The following ATP13A3 variants were observed in gnomAD, a reference collection of about 807,000 sequenced individuals.
The protein encoded by ATP13A3 is ATPase 13A3.
Under a neutral mutation model 158.1 loss-of-function variants are expected in ATP13A3, and 59 were observed. That is an observed-to-expected ratio of 0.37 (90% confidence interval 0.30 to 0.46). ATP13A3 has a LOEUF of 0.46. Ranked by LOEUF, ATP13A3 falls within the 20% of genes least tolerant of loss-of-function variation. The pLI is 1.00. For synonymous variants in ATP13A3, 491 were observed against 504.3 expected, an observed-to-expected ratio of 0.97 and a Z score of 0.35; for missense variants, 1,166 against 1,525.2, an observed-to-expected ratio of 0.76 and a Z score of 3.92.
intron 3 of ATP13A3, among the ~76,000 whole-genome samples, chr3:194,461,357 T>C (rs1190482469): frequency 1.3e-5 from 2 of 152,230 alleles, no homozygotes; most frequent in Non-Finnish European, 2.9e-5. Context: ...TGTATTACTA[T>C]TAACTAAACT....
At chr3:194,461,147 T>A (rs923988089) in intron 3 of ATP13A3, among the ~76,000 whole-genome samples, 1 of 152,232 alleles carries the variant, frequency 6.6e-6, no homozygotes, top group Non-Finnish European at 1.5e-5. Context: ...CATTGTTACA[T>A]ATCTTTTTAA....
intron 2 of ATP13A3, among the ~76,000 whole-genome samples, chr3:194,467,084 TACAG>T (rs1720037782): frequency 6.6e-6 from 1 of 152,228 alleles, no homozygotes; most frequent in Admixed American, 6.5e-5. Context: ...CCCACAAACC[TACAG>T]ACTTCCCACT....
At chr3:194,432,110 C>T in intron 21 of ATP13A3, 1 of 428,240 alleles carries the variant, frequency 2.3e-6, no homozygotes, top group Non-Finnish European at 4.1e-6. Flanking sequence ...CTAAAGAAAA[C>T]ATCTCACCCA....
At chr3:194,444,486 T>C (rs537651358) in intron 15 of ATP13A3, among the ~76,000 whole-genome samples, 6 of 152,286 alleles carry the variant, frequency 3.9e-5, no homozygotes, top group Non-Finnish European at 7.4e-5. Context: ...ATATAAAATA[T>C]GCAAAAATAA....
intron 21 of ATP13A3, among the ~76,000 whole-genome samples, chr3:194,433,445 T>G (rs924494121): frequency 2.0e-5 from 3 of 151,928 alleles, no homozygotes; most frequent in Non-Finnish European, 4.4e-5. Context: ...GGGTTTCACC[T>G]TGTTAGCCAG....
chr3:194,411,000 T>C (rs1389142525), intron 33 of ATP13A3, among the ~76,000 whole-genome samples: 1 of 151,478 alleles, frequency 6.6e-6, no homozygotes, highest in African/African-American at 2.4e-5. Flanking sequence ...GCTAAACGAC[T>C]TGAGCCCCTT....
At chr3:194,469,282 A>G (rs1328133623) in intron 2 of ATP13A3, among the ~76,000 whole-genome samples, 1 of 152,134 alleles carries the variant, frequency 6.6e-6, no homozygotes, top group Non-Finnish European at 1.5e-5. Flanking sequence ...ACATAGTGAA[A>G]CCCCATCTCT....
intron 14 of ATP13A3, among the ~76,000 whole-genome samples, chr3:194,445,978 C>T (rs1307791358): frequency 6.6e-6 from 1 of 152,158 alleles, no homozygotes; most frequent in African/African-American, 2.4e-5. Context: ...TAAACATACA[C>T]ACTTACAAGC....
chr3:194,489,711 G>A (rs1375661091), upstream of ATP13A3, among the ~76,000 whole-genome samples: 1 of 152,106 alleles, frequency 6.6e-6, no homozygotes, highest in African/African-American at 2.4e-5. This position sits in a 1 kb window ranked among gnomAD's most constrained non-coding sequence, Gnocchi z 4.1. Context: ...AAAGCTATAG[G>A]AAAAAGAGAA....
At chr3:194,433,168 T>C (rs1013816417) in intron 21 of ATP13A3, among the ~76,000 whole-genome samples, 6 of 150,368 alleles carry the variant, frequency 4.0e-5, no homozygotes, top group Admixed American at 2.6e-4. Flanking sequence ...ATAAGAAATA[T>C]ACGAATAAAG....
rs755245759 is a variant in ATP13A3, at chr3:194,459,846, A to G, written c.351T>C (p.Asn117=). The change falls in exon 5 of 34, where the codon AAT becomes AAC. Residue 117 remains asparagine (N), a synonymous_variant. Transcript: ENST00000645319. ...SNGHAVCLIE[N]PTEENRHRIS... ...TCCTGTGCCTATTTTCTTCAGTGGGATTCTCAATTAAACAAACTGCATGGC... is the reference window on the plus strand; with the variant it reads ...TCCTGTGCCTATTTTCTTCAGTGGGGTTCTCAATTAAACAAACTGCATGGC... The G allele has an allele frequency of 7.4e-6, 12 of 1,613,472 alleles. No homozygotes were observed. Among genetic ancestry groups the G allele is most frequent in the Non-Finnish European group, 1.0e-5 (12 of 1,179,670 alleles).
At chr3:194,437,668 T>C in intron 17 of ATP13A3, 95 bp from the exon 18 acceptor site, 1 of 1,268,216 alleles carries the variant, frequency 7.9e-7, no homozygotes, top group East Asian at 2.5e-5. Context: ...CAAAACATTA[T>C]TTGGAAAAGA....
chr3:194,415,800 C>T (rs766684276), intron 31 of ATP13A3, among the ~76,000 whole-genome samples: 3 of 149,862 alleles, frequency 2.0e-5, no homozygotes, highest in Non-Finnish European at 4.4e-5. Context: ...CACATTGTTT[C>T]TAATAGCAAA....
intron 31 of ATP13A3, among the ~76,000 whole-genome samples, chr3:194,416,462 A>T (rs1160553475): frequency 6.6e-6 from 1 of 151,880 alleles, no homozygotes; most frequent in Non-Finnish European, 1.5e-5. Flanking sequence ...CATCTCAAAA[A>T]AAAAAGCATT....
intron 32 of ATP13A3, among the ~76,000 whole-genome samples, chr3:194,413,555 G>A (rs900032650): frequency 1.3e-5 from 2 of 152,092 alleles, no homozygotes; most frequent in Admixed American, 1.3e-4. Flanking sequence ...CTATCTGTGT[G>A]AGTGCAACTA....
intron 28 of ATP13A3, among the ~76,000 whole-genome samples, chr3:194,428,135 C>T (rs1244262551): frequency 6.6e-6 from 1 of 150,976 alleles, no homozygotes; most frequent in African/African-American, 2.4e-5. Context: ...GCAGGAGAAT[C>T]GCTTGAACTC....
chr3:194,473,768 C>T (rs1193029714), intron 2 of ATP13A3, among the ~76,000 whole-genome samples: 3 of 152,050 alleles, frequency 2.0e-5, no homozygotes, highest in African/African-American at 7.2e-5. Context: ...GGGAAAAAAC[C>T]TAGAACCCAC....
intron 30 of ATP13A3, among the ~76,000 whole-genome samples, chr3:194,422,597 T>C (rs1479594213): frequency 6.6e-6 from 1 of 152,168 alleles, no homozygotes; most frequent in Non-Finnish European, 1.5e-5. Context: ...ACATGTAAAT[T>C]GAAGTTATTA....
At chr3:194,418,495 AG>A (rs1419630369) in intron 31 of ATP13A3, among the ~76,000 whole-genome samples, 2 of 152,240 alleles carry the variant, frequency 1.3e-5, no homozygotes, top group Non-Finnish European at 2.9e-5. Flanking sequence ...ACAACATCCT[AG>A]AAAAAATTGG....
Sources: gnomAD v4.1 joint callset for allele counts (sites outside exome capture counted in the v4.1 genomes callset) on GRCh38, gnomAD v4.1.1 for gene constraint, Gnocchi (gnomAD v3.1) non-coding constraint, MANE v1.5 for transcripts, NCBI Gene and HGNC (gene_info 2026-07-23, HGNC 2026-07-21) for gene names.